Variants in DGKG observed in about 807,000 individuals in gnomAD.
DGKG encodes the protein diacylglycerol kinase gamma.
DGKG carries 78 observed loss-of-function variants against 105.3 expected under a neutral mutation model. The observed-to-expected ratio is 0.74, with a 90% CI of 0.62 to 0.89. DGKG has a LOEUF of 0.89. DGKG is among the 40% of genes least tolerant of loss of function. DGKG has a pLI of 0.00. For synonymous variants in DGKG, 346 were observed against 367.1 expected, an observed-to-expected ratio of 0.94 and a Z score of 0.66; for missense variants, 958 against 1,020.1, an observed-to-expected ratio of 0.94 and a Z score of 0.83.
At chr3:186,320,123 T>A (rs1236035837) in intron 2 of DGKG, among the ~76,000 whole-genome samples, 1 of 152,194 alleles carries the variant, frequency 6.6e-6, no homozygotes. Flanking sequence ...TGCTCTAAGA[T>A]GTTTGCAGTG....
At chr3:186,307,076 C>A in intron 2 of DGKG, 99 bp from the exon 3 acceptor site, 1 of 786,056 alleles carries the variant, frequency 1.3e-6, no homozygotes, top group Non-Finnish European at 2.2e-6. Flanking sequence ...GTTGGAGCTG[C>A]CCCTCAGTCC....
At chr3:186,283,939 T>C (rs921806333) in intron 7 of DGKG, among the ~76,000 whole-genome samples, 1 of 152,184 alleles carries the variant, frequency 6.6e-6, no homozygotes, top group Admixed American at 6.5e-5. Context: ...TTCCTGTTAA[T>C]GAGCCCTATC....
chr3:186,159,868 T>A (rs1160508254), intron 24 of DGKG: 2 of 152,152 alleles, frequency 1.3e-5, no homozygotes, highest in African/African-American at 4.8e-5. Flanking sequence ...GGGGCCATAA[T>A]CCCTTAGAAC....
chr3:186,299,570 G>C (rs1429103044), intron 3 of DGKG, among the ~76,000 whole-genome samples: 1 of 152,128 alleles, frequency 6.6e-6, no homozygotes, highest in East Asian at 1.9e-4. Context: ...CACATTTCTT[G>C]TGACAGCTAC....
intron 21 of DGKG, among the ~76,000 whole-genome samples, chr3:186,198,956 T>A (rs1043222760): frequency 6.6e-6 from 1 of 152,102 alleles, no homozygotes. Flanking sequence ...GTCCAGTATT[T>A]TTTTTTTTAA....
At chr3:186,327,337 C>T (rs989490681) in intron 1 of DGKG, among the ~76,000 whole-genome samples, 2 of 150,830 alleles carry the variant, frequency 1.3e-5, no homozygotes, top group Admixed American at 6.6e-5. Flanking sequence ...TTATTTCCCC[C>T]TTTCCTCCTC....
At chr3:186,183,770 T>C (rs1717481019) in intron 22 of DGKG, among the ~76,000 whole-genome samples, 1 of 151,916 alleles carries the variant, frequency 6.6e-6, no homozygotes, top group Non-Finnish European at 1.5e-5. Context: ...AGTGGTGCAA[T>C]CTCAGCTCAC....
chr3:186,271,644 T>G (rs1055262951), intron 11 of DGKG, among the ~76,000 whole-genome samples: 1 of 152,178 alleles, frequency 6.6e-6, no homozygotes, highest in African/African-American at 2.4e-5. Context: ...GAAAACACCT[T>G]TCTCACTCAG....
At chr3:186,353,204 G>A (rs188240904) in intron 1 of DGKG, among the ~76,000 whole-genome samples, 5 of 152,166 alleles carry the variant, frequency 3.3e-5, no homozygotes, top group Non-Finnish European at 5.9e-5. Context: ...GGCCGAGGAC[G>A]TGACCCTTTC....
chr3:186,169,713 C>T (rs1716730297), intron 22 of DGKG, among the ~76,000 whole-genome samples: 1 of 152,242 alleles, frequency 6.6e-6, no homozygotes, highest in Non-Finnish European at 1.5e-5. Flanking sequence ...TCATCAACTT[C>T]CACAAGTTCA....
At chr3:186,198,580 G>A (rs1163393417) in intron 21 of DGKG, among the ~76,000 whole-genome samples, 7 of 152,006 alleles carry the variant, frequency 4.6e-5, no homozygotes, top group Admixed American at 4.6e-4. Context: ...TCCCTTGGAG[G>A]AAAAAAAGCC....
chr3:186,339,063 A>G (rs1399276727), intron 1 of DGKG, among the ~76,000 whole-genome samples: 2 of 152,236 alleles, frequency 1.3e-5, no homozygotes, highest in African/African-American at 4.8e-5. Flanking sequence ...CAGAAATTAT[A>G]GAGGACTTAT....
intron 5 of DGKG, among the ~76,000 whole-genome samples, chr3:186,290,886 G>A (rs2108605954): frequency 6.6e-6 from 1 of 152,334 alleles, no homozygotes; most frequent in Middle Eastern, 3.4e-3. Context: ...TAAGGCTGGG[G>A]AAAGAACTAG....
chr3:186,359,199 T>C (rs112830286), intron 1 of DGKG, among the ~76,000 whole-genome samples: 29 of 152,306 alleles, frequency 1.9e-4, no homozygotes, highest in African/African-American at 7.0e-4. Context: ...TAAATTAGTG[T>C]ACCCTTTTTG....
intron 2 of DGKG, among the ~76,000 whole-genome samples, chr3:186,309,316 C>T (rs77375449): frequency 0.031 from 4,697 of 152,176 alleles, 232 homozygotes; most frequent in African/African-American, 0.11. Flanking sequence ...CACCATAAAA[C>T]GTTTAGGACA....
chr3:186,181,515 C>A (rs915488282), intron 22 of DGKG, among the ~76,000 whole-genome samples: 1 of 152,138 alleles, frequency 6.6e-6, no homozygotes, highest in African/African-American at 2.4e-5. Context: ...GGCGAATCAC[C>A]TGAGGTCAGG....
At chr3:186,254,969 TCTC>T (rs1721395380) in intron 17 of DGKG, among the ~76,000 whole-genome samples, 1 of 152,164 alleles carries the variant, frequency 6.6e-6, no homozygotes, top group African/African-American at 2.4e-5. Flanking sequence ...TGTCAACCGT[TCTC>T]AAGTGTTTTC....
chr3:186,313,563 A>T (rs1261132420), intron 2 of DGKG: 1 of 982,972 alleles, frequency 1.0e-6, no homozygotes, highest in African/African-American at 1.7e-5. Flanking sequence ...TGCAACTAAA[A>T]GTGTGGTCCC....
intron 1 of DGKG, among the ~76,000 whole-genome samples, 151 bp from the exon 2 acceptor site, chr3:186,320,858 A>C (rs1725043574): frequency 6.6e-6 from 1 of 152,184 alleles, no homozygotes; most frequent in African/African-American, 2.4e-5. Context: ...GCACAACGAC[A>C]GTTGTCTGGC....
Sources: allele counts gnomAD v4.1 joint callset (sites outside exome capture counted in the v4.1 genomes callset), GRCh38; gene constraint gnomAD v4.1.1; transcripts MANE v1.5; gene names NCBI Gene and HGNC (gene_info 2026-07-23, HGNC 2026-07-21).